SARNP: variants seen among roughly 807,000 people sequenced by gnomAD.
SARNP encodes SAP domain-containing ribonucleoprotein.
A neutral mutation model predicts 38.1 loss-of-function variants in SARNP; 5 were observed. The observed-to-expected ratio is 0.13, with a 90% CI of 0.07 to 0.28. The LOEUF (loss-of-function observed/expected upper bound fraction) is 0.28. Among genes scored for constraint, SARNP ranks in the 10% least tolerant of loss-of-function variants. The pLI is 1.00. For missense variants in SARNP, 180 were observed against 243.9 expected (o/e 0.74, Z 1.75); for synonymous variants, 84 against 80.6 (o/e 1.04, Z -0.23).
chr12:55,798,316 G>A (rs749521327), intron 4 of SARNP, among the ~76,000 whole-genome samples: 2 of 152,066 alleles, frequency 1.3e-5, no homozygotes, highest in African/African-American at 4.8e-5. Flanking sequence ...TGGCAAACAC[G>A]GCGAAACCCC....
intron 9 of SARNP, among the ~76,000 whole-genome samples, chr12:55,785,192 A>C (rs764733734): frequency 6.6e-6 from 1 of 152,222 alleles, no homozygotes; most frequent in Non-Finnish European, 1.5e-5. Context: ...ACATATGCAA[A>C]TAAAAAAATA....
At chr12:55,808,601 T>C (rs1164224484) in intron 1 of SARNP, among the ~76,000 whole-genome samples, 1 of 151,276 alleles carries the variant, frequency 6.6e-6, no homozygotes, top group East Asian at 1.9e-4. Context: ...CCAGCCAAAT[T>C]TTTTTTTTAA....
chr12:55,769,572 T>C (rs1444955419), intron 9 of SARNP, among the ~76,000 whole-genome samples: 2 of 152,236 alleles, frequency 1.3e-5, no homozygotes, highest in African/African-American at 4.8e-5. Flanking sequence ...GCTTTCCCTT[T>C]CTACTGGCTG....
intron 9 of SARNP, among the ~76,000 whole-genome samples, chr12:55,785,442 CA>C (rs1336153130): frequency 1.3e-5 from 2 of 151,512 alleles, no homozygotes; most frequent in Admixed American, 6.6e-5. Flanking sequence ...TATTGAGGGT[CA>C]AAGTATCACT....
intron 9 of SARNP, among the ~76,000 whole-genome samples, chr12:55,784,319 G>A (rs188346300): frequency 1.2e-4 from 19 of 152,258 alleles, no homozygotes; most frequent in Admixed American, 2.0e-4. Context: ...TGGCAGTTCC[G>A]TAAACACAAA....
At chr12:55,779,489 C>T (rs1879280745) in intron 9 of SARNP, among the ~76,000 whole-genome samples, 1 of 152,226 alleles carries the variant, frequency 6.6e-6, no homozygotes, top group South Asian at 2.1e-4. Flanking sequence ...TTCCAACTTA[C>T]TCTGGAAACT....
At chr12:55,758,474 G>A (rs1248192065) in intron 10 of SARNP, among the ~76,000 whole-genome samples, 9 of 151,944 alleles carry the variant, frequency 5.9e-5, no homozygotes, top group Non-Finnish European at 1.0e-4. Flanking sequence ...GTAAAACCCC[G>A]TCTCTACTAA....
intron 7 of SARNP, among the ~76,000 whole-genome samples, chr12:55,791,355 A>G (rs1287774378): frequency 6.6e-6 from 1 of 152,270 alleles, no homozygotes; most frequent in Non-Finnish European, 1.5e-5. Context: ...AGCTATTAAA[A>G]AAGAGATCAC....
intron 2 of SARNP, 38 bp from the exon 3 acceptor site, chr12:55,800,938 C>T: frequency 6.5e-7 from 1 of 1,545,010 alleles, no homozygotes; most frequent in South Asian, 1.1e-5. Flanking sequence ...AGCCCTGCTA[C>T]AAAACCATCT....
At chr12:55,774,097 T>C (rs950612773) in intron 9 of SARNP, among the ~76,000 whole-genome samples, 1 of 151,924 alleles carries the variant, frequency 6.6e-6, no homozygotes, top group Non-Finnish European at 1.5e-5. Flanking sequence ...CTGGACCTCC[T>C]TGGCTCAAGC....
intron 1 of SARNP, among the ~76,000 whole-genome samples, chr12:55,810,755 A>AT (rs1458476933): frequency 2.0e-5 from 3 of 150,616 alleles, no homozygotes; most frequent in African/African-American, 7.3e-5. Flanking sequence ...ACCCGGCCAA[A>AT]TTTTGATTAA....
chr12:55,757,193 T>C (rs1167558039), downstream of SARNP: 1 of 208,428 alleles, frequency 4.8e-6, no homozygotes. Context: ...TTCTCTATAA[T>C]ATTTGCCCCT....
intron 9 of SARNP, among the ~76,000 whole-genome samples, chr12:55,781,495 C>T (rs932071515): frequency 4.0e-5 from 6 of 150,260 alleles, no homozygotes; most frequent in Non-Finnish European, 7.4e-5. Flanking sequence ...GATTGCGCTG[C>T]TCCACTTCAG....
chr12:55,776,842 C>T (rs1336281062), intron 9 of SARNP, among the ~76,000 whole-genome samples: 1 of 152,176 alleles, frequency 6.6e-6, no homozygotes, highest in Non-Finnish European at 1.5e-5. Context: ...CTTACCCAGA[C>T]AATAAGCCCA....
At position 55,791,674 on chromosome 12, in the gene SARNP, G is replaced by A. The variant is rs916255185; in HGVS notation, c.407-1082C>T. Among the ~76,000 whole-genome samples, 4 of 151,138 alleles carry A rather than the reference G, an allele frequency of 2.6e-5. 1 individual carries two copies. The highest frequency in any genetic ancestry group is 5.9e-5 in the Non-Finnish European group (4 of 67,836). ...GGCGCCACTGTGCTCCAGCCTGGGC[G>A]ACAGAGCAAGACTCCATCTCAAAAA... On this transcript the variant is annotated intron_variant, in intron 7 of 10. Coordinates refer to ENST00000336133, the MANE Select transcript of SARNP (RefSeq NM_033082.4).
At chr12:55,760,664 T>C (rs1359331417) in intron 9 of SARNP, 24 bp from the exon 10 acceptor site, 23 of 1,532,404 alleles carry the variant, frequency 1.5e-5, no homozygotes, top group South Asian at 5.6e-5. Flanking sequence ...AAGGAAAGAG[T>C]TGAAACAAAC....
chr12:55,809,060 G>T (rs1880244952), intron 1 of SARNP, among the ~76,000 whole-genome samples: 1 of 152,014 alleles, frequency 6.6e-6, no homozygotes, highest in Admixed American at 6.6e-5. Context: ...TACAAAAACA[G>T]CCAGGCATGG....
intron 9 of SARNP, among the ~76,000 whole-genome samples, chr12:55,771,461 T>A (rs1049241568): frequency 6.6e-6 from 1 of 152,152 alleles, no homozygotes; most frequent in Non-Finnish European, 1.5e-5. Flanking sequence ...CCAGGCACTG[T>A]TCCTGGTCAA....
At chr12:55,801,602 C>T (rs1356260143) in intron 2 of SARNP, among the ~76,000 whole-genome samples, 2 of 152,126 alleles carry the variant, frequency 1.3e-5, no homozygotes, top group Non-Finnish European at 2.9e-5. Context: ...CACAAAGAAA[C>T]TTAAAAGACA....
Sources: allele counts gnomAD v4.1 joint callset (sites outside exome capture counted in the v4.1 genomes callset), GRCh38; gene constraint gnomAD v4.1.1; transcripts MANE v1.5; gene names NCBI Gene and HGNC (gene_info 2026-07-23, HGNC 2026-07-21).